TBCE: variants seen among roughly 807,000 people sequenced by gnomAD.
TBCE encodes the protein tubulin-specific chaperone E.
In TBCE, 53 loss-of-function variants were observed where a neutral mutation model predicts 77.0. That is an observed-to-expected ratio of 0.69 (90% CI 0.55 to 0.87). The LOEUF is 0.87. Among genes scored for constraint, TBCE ranks in the 40% least tolerant of loss-of-function variants. The probability of loss-of-function intolerance (pLI) is 0.00; values close to 1 mark genes in which losing one functional copy is unlikely to be tolerated. For synonymous variants in TBCE, 235 were observed against 241.3 expected, an observed-to-expected ratio of 0.97 and a Z score of 0.24; for missense variants, 624 against 622.4, an observed-to-expected ratio of 1.00 and a Z score of -0.03.
chr1:235,446,695 GTTT>G (rs11405266), intron 15 of TBCE, among the ~76,000 whole-genome samples: 4 of 138,946 alleles, frequency 2.9e-5, no homozygotes, highest in East Asian at 2.1e-4. Context: ...GAGTAGGCAG[GTTT>G]TTTTTTTTTT....
chr1:235,443,195 T>TATAC (rs145989548), intron 15 of TBCE, among the ~76,000 whole-genome samples: 39 of 149,630 alleles, frequency 2.6e-4, no homozygotes, highest in Middle Eastern at 6.8e-3. Flanking sequence ...CATATATATA[T>TATAC]ACACACACAC....
chr1:235,398,737 GTAGCTGGGACTA>G (rs1678902008), intron 2 of TBCE, among the ~76,000 whole-genome samples: 2 of 144,874 alleles, frequency 1.4e-5, no homozygotes, highest in South Asian at 4.4e-4. Flanking sequence ...AGCCTTCCGA[GTAGCTGGGACTA>G]CAGCTACTGT....
chr1:235,390,839 T>C (rs1241412560), intron 2 of TBCE, among the ~76,000 whole-genome samples: 1 of 151,624 alleles, frequency 6.6e-6, no homozygotes, highest in Non-Finnish European at 1.5e-5. Context: ...CAGCTGGCCA[T>C]TGTTTATTCT....
chr1:235,437,331 T>C lies in TBCE; in HGVS notation c.973T>C (p.Phe325Leu). Residue 325 changes from phenylalanine to leucine, a missense_variant, in exon 12 of 17, where the codon TTC (phenylalanine) becomes CTC (leucine). Transcript: ENST00000642610. ...NDNQISQWSF[F>L]NELEKLPSLR... is the part of the protein sequence containing the mutation. ...TTTTGCTGTGTTTCAGTGGTCGTTT[T>C]TCAATGAGCTAGAGAAGTTACCAAG... The C allele has an allele frequency of 1.2e-6, 2 of 1,614,066 alleles. No homozygotes were observed. Among genetic ancestry groups the C allele is most frequent in the South Asian group, 2.2e-5 (2 of 91,082 alleles).
rs529581388 is a variant in TBCE at position 235,385,215 on chromosome 1, C to T, written c.100+5066C>T. ...TATAATGTCTGATCTTTTACATTTG[C>T]TGAGGAGAGCTTTACTTCCAACTAT... is the stretch of plus-strand genomic sequence containing the variant. On this transcript the variant is annotated intron_variant, in intron 2 of 16. Transcript: ENST00000642610. 2.6e-5 allele frequency among the ~76,000 whole-genome samples: 4 copies of T among 152,080 alleles called. No homozygotes were observed. In the South Asian group the frequency reaches 8.3e-4, roughly 32 times the overall value.
At chr1:235,409,686 G>A (rs1558368465) in intron 3 of TBCE, among the ~76,000 whole-genome samples, 1 of 150,144 alleles carries the variant, frequency 6.7e-6, no homozygotes, top group African/African-American at 2.5e-5. Flanking sequence ...ATGACTTCTT[G>A]TTTTTTTACC....
chr1:235,381,500 C>A (rs552765700), intron 2 of TBCE, among the ~76,000 whole-genome samples: 1 of 151,594 alleles, frequency 6.6e-6, no homozygotes, highest in Non-Finnish European at 1.5e-5. Flanking sequence ...CTGGCTAACA[C>A]GGTGAAACCC....
Position 235,414,473 on chromosome 1 carries a change from A to G in TBCE, c.226A>G (p.Asn76Asp). 1.2e-6 allele frequency: 2 copies of G among 1,613,882 alleles called. No individual in the cohort carries two copies. Among genetic ancestry groups the G allele is most frequent in the Non-Finnish European group, 1.7e-6 (2 of 1,179,982 alleles). ...ATCCTTTATTCGTCCGAACAAGGTA[A>G]ATTTTGGAACAGACTTTCTTACTGC... Reference protein sequence around the residue: ...GGSFIRPNKVNFGTDFLTAIK... With the variant: ...GGSFIRPNKVDFGTDFLTAIK... Residue 76 changes from asparagine to aspartate, a missense_variant, in exon 4 of 17, where the codon AAT (asparagine) becomes GAT (aspartate). Coordinates refer to ENST00000642610, the MANE Select transcript of TBCE (RefSeq NM_003193.5).
rs781690260 is a variant in TBCE, at chr1:235,430,750, G to A, written c.606G>A (p.Thr202=). The A allele has an allele frequency of 1.7e-5, 27 of 1,613,540 alleles. No individual in the cohort carries two copies. Among genetic ancestry groups the A allele is most frequent in the South Asian group, 3.3e-5 (3 of 91,066 alleles). Reference sequence around the variant, plus strand: ...CCTCCGGTTCAGTATTAACTGGAACGCTTTCTGTACTGAAGGTTTTAGTCC... The same window carrying A: ...CCTCCGGTTCAGTATTAACTGGAACACTTTCTGTACTGAAGGTTTTAGTCC... ...KFPSGSVLTG[T]LSVLKVLVLN... is the part of the protein sequence containing the mutation. The change falls in exon 7 of 17, where the codon ACG becomes ACA. Residue 202 remains threonine, a synonymous_variant. Coordinates refer to ENST00000642610, the MANE Select transcript of TBCE (RefSeq NM_003193.5).
intron 4 of TBCE, among the ~76,000 whole-genome samples, chr1:235,417,163 A>G (rs1382258002): frequency 6.6e-6 from 1 of 152,178 alleles, no homozygotes; most frequent in Non-Finnish European, 1.5e-5. Flanking sequence ...TCCATTATGT[A>G]TGGTTTCTCT....
rs548020577 is a variant in TBCE at position 235,406,532 on chromosome 1, T to C, written c.185+4945T>C. Among the ~76,000 whole-genome samples the C allele has an allele frequency of 7.9e-5, 12 of 152,304 alleles. 1 individual carries two copies. The South Asian group carries it at 2.5e-3, about 32-fold the overall frequency. ...AACAAAGAACAAAGAGAAACGTGGA[T>C]TTTTTCTTTTAGTTTTTGAGACGGA... On this transcript the variant is annotated intron_variant, in intron 3 of 16. Transcript: ENST00000642610.
chr1:235,411,576 G>T (rs1416035220), intron 3 of TBCE, among the ~76,000 whole-genome samples: 1 of 152,104 alleles, frequency 6.6e-6, no homozygotes, highest in East Asian at 1.9e-4. Flanking sequence ...AGAGTAAAGT[G>T]AAAGCAAGTT....
At chr1:235,414,732 G>GA in intron 4 of TBCE, 114 bp downstream of exon 4, 3 of 1,020,614 alleles carry the variant, frequency 2.9e-6, no homozygotes, top group Non-Finnish European at 3.0e-6. Flanking sequence ...ACTGGTTTAT[G>GA]GTTCCACAGA....
intron 15 of TBCE, among the ~76,000 whole-genome samples, chr1:235,448,099 CT>C (rs779518151): frequency 3.3e-5 from 5 of 151,600 alleles, no homozygotes; most frequent in Non-Finnish European, 7.4e-5. Context: ...ACTCAGGAGG[CT>C]GAGGCAGGAG....
chr1:235,414,274 A>G (rs192391684), intron 3 of TBCE, among the ~76,000 whole-genome samples, 159 bp from the exon 4 acceptor site: 356 of 152,360 alleles, frequency 2.3e-3, no homozygotes, highest in South Asian at 5.8e-3. Flanking sequence ...TTTATGGTCA[A>G]TCATACTGAT....
At chr1:235,411,527 C>T (rs1053146884) in intron 3 of TBCE, among the ~76,000 whole-genome samples, 4 of 152,034 alleles carry the variant, frequency 2.6e-5, no homozygotes, top group Admixed American at 1.3e-4. Flanking sequence ...AGAGAGGGTT[C>T]TAGGATCTTG....
chr1:235,389,397 G>A (rs1284327882), intron 2 of TBCE, among the ~76,000 whole-genome samples: 6 of 152,044 alleles, frequency 3.9e-5, no homozygotes, highest in Non-Finnish European at 7.4e-5. Context: ...GCACAATCTC[G>A]GCTCATTGTA....
intron 3 of TBCE, among the ~76,000 whole-genome samples, chr1:235,404,960 C>CTT (rs71174427): frequency 7.1e-5 from 9 of 125,998 alleles, no homozygotes; most frequent in Admixed American, 2.4e-4. Flanking sequence ...ATGCCCGGTA[C>CTT]TTTTTTTTTT....
At chr1:235,435,491 A>G (rs1256283026) in intron 8 of TBCE, among the ~76,000 whole-genome samples, 2 of 152,204 alleles carry the variant, frequency 1.3e-5, no homozygotes, top group East Asian at 3.8e-4. Flanking sequence ...GATCACTTGT[A>G]CCCATGACCC....
Sources: allele counts gnomAD v4.1 joint callset (sites outside exome capture counted in the v4.1 genomes callset), GRCh38; gene constraint gnomAD v4.1.1; transcripts MANE v1.5; gene names NCBI Gene and HGNC (gene_info 2026-07-23, HGNC 2026-07-21).